KCNT2: variants seen among roughly 807,000 people sequenced by gnomAD.
KCNT2 encodes potassium sodium-activated channel subfamily T member 2.
A neutral mutation model predicts 153.8 loss-of-function variants in KCNT2; 67 were observed. The ratio of observed to expected loss-of-function variants is 0.44; its 90% CI spans 0.36 to 0.53. The LOEUF (loss-of-function observed/expected upper bound fraction) is 0.53, where lower values mean the gene tolerates loss of function less well. Ranked by LOEUF, KCNT2 falls within the 20% of genes least tolerant of loss-of-function variation. KCNT2 has a pLI of 0.00. For synonymous variants in KCNT2, 500 were observed against 458.8 expected (o/e 1.09, Z -1.15); for missense variants, 975 against 1,354.8 (o/e 0.72, Z 4.40).
At chr1:196,581,800 A>G (rs1558103280) in intron 1 of KCNT2, among the ~76,000 whole-genome samples, 1 of 152,110 alleles carries the variant, frequency 6.6e-6, no homozygotes, top group East Asian at 1.9e-4. Flanking sequence ...ACTTTCTTCC[A>G]TTACTTATGT....
chr1:196,584,941 G>A (rs1044470639), intron 1 of KCNT2, among the ~76,000 whole-genome samples: 4 of 152,056 alleles, frequency 2.6e-5, no homozygotes, highest in African/African-American at 9.7e-5. Context: ...TCCGAATGGA[G>A]AGGGTGCTTC....
intron 10 of KCNT2, among the ~76,000 whole-genome samples, chr1:196,426,871 T>A (rs1024080343): frequency 6.6e-6 from 1 of 152,024 alleles, no homozygotes; most frequent in Non-Finnish European, 1.5e-5. Context: ...ATCACCACCC[T>A]CTTCCTCCTG....
intron 14 of KCNT2, among the ~76,000 whole-genome samples, chr1:196,347,335 A>C (rs544693287): frequency 6.6e-6 from 1 of 152,238 alleles, no homozygotes; most frequent in African/African-American, 2.4e-5. Context: ...TTAATTCAAG[A>C]CTGATTTTGA....
At chr1:196,432,341 G>C (rs1290742835) in intron 8 of KCNT2, among the ~76,000 whole-genome samples, 1 of 152,098 alleles carries the variant, frequency 6.6e-6, no homozygotes, top group Non-Finnish European at 1.5e-5. Context: ...GCAATGCCTG[G>C]TGGAGCCATC....
At chr1:196,577,526 A>G (rs1661508666) in intron 1 of KCNT2, among the ~76,000 whole-genome samples, 1 of 152,210 alleles carries the variant, frequency 6.6e-6, no homozygotes, top group Non-Finnish European at 1.5e-5. Context: ...AGATCAGTAG[A>G]TATTCTCCCT....
intron 25 of KCNT2, among the ~76,000 whole-genome samples, chr1:196,273,065 AAT>A (rs1658218406): frequency 6.6e-6 from 1 of 151,870 alleles, no homozygotes; most frequent in Admixed American, 6.6e-5. Flanking sequence ...TTTTATGTCT[AAT>A]TAGAGAATGC....
At chr1:196,509,067 G>A (rs1392056108) in intron 1 of KCNT2, among the ~76,000 whole-genome samples, 1 of 152,052 alleles carries the variant, frequency 6.6e-6, no homozygotes, top group African/African-American at 2.4e-5. Flanking sequence ...TCAGCAGTTC[G>A]AGAGCAGCCT....
intron 27 of KCNT2, among the ~76,000 whole-genome samples, chr1:196,235,296 A>G (rs1359110892): frequency 1.3e-5 from 2 of 151,370 alleles, no homozygotes; most frequent in African/African-American, 4.8e-5. Context: ...TCTACCCTTC[A>G]GAGTCTAGTT....
intron 12 of KCNT2, among the ~76,000 whole-genome samples, chr1:196,403,644 TA>T (rs968043295): frequency 6.6e-6 from 1 of 151,186 alleles, no homozygotes; most frequent in Non-Finnish European, 1.5e-5. Flanking sequence ...AAATGGGGTG[TA>T]GGGGGAGAGG....
At chr1:196,377,368 C>T (rs1207687904) in intron 13 of KCNT2, among the ~76,000 whole-genome samples, 1 of 151,724 alleles carries the variant, frequency 6.6e-6, no homozygotes, top group Non-Finnish European at 1.5e-5. Context: ...AAGTCAAAAA[C>T]TGCCAATTTT....
At chr1:196,429,259 T>C (rs1673924509) in intron 9 of KCNT2, among the ~76,000 whole-genome samples, 1 of 152,000 alleles carries the variant, frequency 6.6e-6, no homozygotes, top group Admixed American at 6.6e-5. Flanking sequence ...TTCTTTGATC[T>C]ATCATCCTAT....
intron 21 of KCNT2, among the ~76,000 whole-genome samples, chr1:196,305,653 T>C (rs1661560979): frequency 6.6e-6 from 1 of 152,150 alleles, no homozygotes; most frequent in African/African-American, 2.4e-5. Context: ...TTTAAGAAGT[T>C]ACAAGGTTAC....
intron 23 of KCNT2, among the ~76,000 whole-genome samples, chr1:196,285,336 C>G (rs1416234658): frequency 6.6e-6 from 1 of 151,302 alleles, no homozygotes; most frequent in Non-Finnish European, 1.5e-5. Context: ...TTTTTTTTAC[C>G]TTTTTAAATC....
chr1:196,289,752 A>G (rs1660014222), intron 22 of KCNT2, among the ~76,000 whole-genome samples: 1 of 152,172 alleles, frequency 6.6e-6, no homozygotes, highest in Non-Finnish European at 1.5e-5. Flanking sequence ...TAGTATAAAC[A>G]TACACTATGA....
At chr1:196,597,338 A>G (rs1404393522) in intron 1 of KCNT2, among the ~76,000 whole-genome samples, 2 of 151,870 alleles carry the variant, frequency 1.3e-5, no homozygotes, top group East Asian at 3.9e-4. Flanking sequence ...AATATAATAT[A>G]TCAATAATAT....
At chr1:196,380,217 T>C (rs928002685) in intron 13 of KCNT2, among the ~76,000 whole-genome samples, 3 of 151,588 alleles carry the variant, frequency 2.0e-5, no homozygotes, top group Admixed American at 6.6e-5. Context: ...TGGGAAAGAG[T>C]TTTAGAAGCA....
intron 1 of KCNT2, among the ~76,000 whole-genome samples, chr1:196,500,778 A>T (rs764336461): frequency 2.6e-5 from 4 of 152,364 alleles, no homozygotes; most frequent in Middle Eastern, 3.4e-3. Flanking sequence ...AGAATGCCAG[A>T]AAATATTTGC....
intron 25 of KCNT2, among the ~76,000 whole-genome samples, chr1:196,269,357 A>ATGTG (rs142861067): frequency 1.3e-5 from 2 of 150,428 alleles, no homozygotes; most frequent in African/African-American, 2.4e-5. Context: ...GTGTGTGTAT[A>ATGTG]TGTGTGTGTG....
intron 1 of KCNT2, among the ~76,000 whole-genome samples, chr1:196,605,981 A>C (rs1665271205): frequency 6.6e-6 from 1 of 152,226 alleles, no homozygotes; most frequent in South Asian, 2.1e-4. Flanking sequence ...CACTGATAAG[A>C]TATAATATCC....
Sources: gnomAD v4.1 joint callset for allele counts (sites outside exome capture counted in the v4.1 genomes callset) on GRCh38, gnomAD v4.1.1 for gene constraint, MANE v1.5 for transcripts, NCBI Gene and HGNC (gene_info 2026-07-23, HGNC 2026-07-21) for gene names.